The following SFI1 variants were observed in gnomAD, a reference collection of about 807,000 sequenced individuals.
SFI1 encodes the protein protein SFI1 homolog.
SFI1 carries 195 observed loss-of-function variants against 207.5 expected under a neutral mutation model. That is an observed-to-expected ratio of 0.94 (90% confidence interval 0.84 to 1.06). The LOEUF is 1.06. Among genes scored for constraint, SFI1 ranks in the 50% least tolerant of loss-of-function variants. The pLI, the probability that SFI1 is intolerant of heterozygous loss-of-function variation, is 0.00. For missense variants in SFI1, 1,634 were observed against 1,588.0 expected, an observed-to-expected ratio of 1.03 and a Z score of -0.49; for synonymous variants, 630 against 598.9, an observed-to-expected ratio of 1.05 and a Z score of -0.76.
intron 1 of SFI1, among the ~76,000 whole-genome samples, chr22:31,507,222 C>T (rs2146577376): frequency 6.6e-6 from 1 of 152,290 alleles, no homozygotes; most frequent in East Asian, 1.9e-4. Context: ...ACCATCTGAT[C>T]TTTGACAAAT....
intron 21 of SFI1, 126 bp from the exon 22 acceptor site, chr22:31,607,811 C>A: frequency 1.4e-6 from 1 of 718,560 alleles, no homozygotes; most frequent in Non-Finnish European, 2.4e-6. Flanking sequence ...ACTTCCTGGA[C>A]CGTGTGTGAG....
intron 7 of SFI1, chr22:31,560,078 G>A (rs1314991663): frequency 4.2e-6 from 1 of 240,010 alleles, no homozygotes; most frequent in African/African-American, 2.3e-5. Flanking sequence ...GGATGCATAA[G>A]AAGATAAGTG....
chr22:31,606,693 CTTTTTTTTTTT>C (rs10524692), intron 21 of SFI1: 13 of 115,514 alleles, frequency 1.1e-4, no homozygotes, highest in Non-Finnish European at 1.8e-4. Flanking sequence ...TTCTTTTTTT[CTTTTTTTTTTT>C]TTTTTTTTTT....
chr22:31,526,406 C>T (rs186426337), intron 2 of SFI1, among the ~76,000 whole-genome samples: 5 of 152,202 alleles, frequency 3.3e-5, no homozygotes, highest in East Asian at 1.9e-4. Flanking sequence ...CATCAGATCT[C>T]GTGGAAACTT....
rs2059073134 is a variant in SFI1, at chr22:31,537,125, G to A, written c.338+5996G>A. 2.0e-5 allele frequency among the ~76,000 whole-genome samples: 3 copies of A among 152,192 alleles called. No homozygotes were observed. In the South Asian group the frequency reaches 6.2e-4, roughly 32 times the overall value. ...GTTCAGTGATGTCGTTTTAGACTCA[G>A]GCTTCTAGTACCTTTCTAGTTCAAC... On this transcript the variant is annotated intron_variant, in intron 4 of 32. Transcript: ENST00000400288.
intron 22 of SFI1, among the ~76,000 whole-genome samples, chr22:31,609,767 T>C (rs2069738539): frequency 1.3e-5 from 2 of 152,226 alleles, no homozygotes; most frequent in Non-Finnish European, 2.9e-5. Context: ...GTTTCTAGTT[T>C]ACGAAGAAAG....
chr22:31,551,618 A>G (rs1054203398), intron 6 of SFI1, among the ~76,000 whole-genome samples: 13 of 152,322 alleles, frequency 8.5e-5, no homozygotes, highest in Non-Finnish European at 1.3e-4. Flanking sequence ...TTTGGTAGAG[A>G]TGGGCTTTTG....
At chr22:31,616,495 G>A (rs2071476391) in intron 29 of SFI1, 1 of 430,722 alleles carries the variant, frequency 2.3e-6, no homozygotes, top group Non-Finnish European at 4.1e-6. Flanking sequence ...GGAGGCGTGA[G>A]GCGGACTGTG....
At chr22:31,597,187 A>G (rs1037238845) in intron 15 of SFI1, among the ~76,000 whole-genome samples, 1 of 152,222 alleles carries the variant, frequency 6.6e-6, no homozygotes, top group African/African-American at 2.4e-5. Context: ...ACCAAAAATT[A>G]AAAGTACCTT....
intron 2 of SFI1, among the ~76,000 whole-genome samples, chr22:31,518,672 T>C (rs1213652815): frequency 6.6e-6 from 1 of 152,178 alleles, no homozygotes; most frequent in African/African-American, 2.4e-5. Flanking sequence ...CCTTGGCTGG[T>C]GTCTGGAAAC....
At chr22:31,557,141 C>A in intron 7 of SFI1, 82 bp downstream of exon 7, 2 of 819,928 alleles carry the variant, frequency 2.4e-6, no homozygotes, top group Non-Finnish European at 3.8e-6. Flanking sequence ...CAGCATAAAA[C>A]CTCACCTTAA....
chr22:31,615,527 C>T (rs2071274273), intron 29 of SFI1: 1 of 402,594 alleles, frequency 2.5e-6, no homozygotes, highest in Non-Finnish European at 4.4e-6. Context: ...AAACCCCTGC[C>T]TGCAGGCCAG....
At chr22:31,571,389 T>G (rs2062932974) in intron 8 of SFI1, among the ~76,000 whole-genome samples, 1 of 151,960 alleles carries the variant, frequency 6.6e-6, no homozygotes, top group Admixed American at 6.6e-5. Context: ...CACTGCTCAC[T>G]GCAGCCTCAA....
rs1308189480 is a variant in SFI1, at chr22:31,568,183, GTGTGTGTGTGT to G, written c.766-4863_766-4853del. ...TATATATATGTGTGTGTGTGTGTGT[GTGTGTGTGTGT>G]TGTGTGTGTGTGTGTGTATATATAT... On this transcript the variant is annotated intron_variant, in intron 8 of 32. Coordinates refer to ENST00000400288, the MANE Select transcript of SFI1 (RefSeq NM_001007467.3). Among the ~76,000 whole-genome samples the G allele has an allele frequency of 5.6e-3, 678 of 120,360 alleles. 10 individuals are homozygous for G. Among genetic ancestry groups the G allele is most frequent in the East Asian group, 0.021 (74 of 3,514 alleles). The allele number at this position is 120,360 out of a possible 152,430, so 79.0% of individuals were successfully genotyped here. A position where few individuals can be genotyped will look rare whatever the true frequency, so the allele number is the denominator to read the frequency against.
intron 4 of SFI1, among the ~76,000 whole-genome samples, chr22:31,545,877 C>CT (rs770151262): frequency 0.051 from 5,072 of 99,462 alleles, 266 homozygotes; most frequent in African/African-American, 0.085. Flanking sequence ...CCGTGTCCAG[C>CT]TTTTTTTTTT....
chr22:31,608,847 C>G (rs1275518830), intron 22 of SFI1, among the ~76,000 whole-genome samples: 2 of 152,052 alleles, frequency 1.3e-5, no homozygotes, highest in Non-Finnish European at 2.9e-5. Flanking sequence ...GTATATACAT[C>G]TTTGGAAAGA....
intron 12 of SFI1, among the ~76,000 whole-genome samples, chr22:31,581,892 A>G (rs567289693): frequency 6.6e-6 from 1 of 152,036 alleles, no homozygotes; most frequent in African/African-American, 2.4e-5. Flanking sequence ...ACATCATGAC[A>G]CTTTGCACCT....
At chr22:31,575,138 T>C in intron 9 of SFI1, 93 bp from the exon 10 acceptor site, 19 of 1,155,364 alleles carry the variant, frequency 1.6e-5, no homozygotes, top group Admixed American at 2.4e-5. Context: ...GAACCCCTGC[T>C]CTCTGCCAGT....
chr22:31,500,629 G>A (rs1316755513), intron 1 of SFI1, among the ~76,000 whole-genome samples: 2 of 150,938 alleles, frequency 1.3e-5, no homozygotes, highest in African/African-American at 4.9e-5. Flanking sequence ...AGCTAATTTT[G>A]TGTTTTTAGT....
Sources: gnomAD v4.1 joint callset for allele counts (sites outside exome capture counted in the v4.1 genomes callset) on GRCh38, gnomAD v4.1.1 for gene constraint, MANE v1.5 for transcripts, NCBI Gene and HGNC (gene_info 2026-07-23, HGNC 2026-07-21) for gene names.